The following NUP107 variants were observed in gnomAD, a reference collection of about 807,000 sequenced individuals.
NUP107 encodes nucleoporin 107.
In NUP107, 101 loss-of-function variants were observed where a neutral mutation model predicts 141.0. That is an observed-to-expected ratio of 0.72 (90% CI 0.61 to 0.84). The LOEUF (loss-of-function observed/expected upper bound fraction) is 0.84, where lower values mean the gene tolerates loss of function less well. Among genes scored for constraint, NUP107 ranks in the 40% least tolerant of loss-of-function variants. The pLI is 0.00. For missense variants in NUP107, 941 were observed against 1,102.7 expected (o/e 0.85, Z 2.08); for synonymous variants, 319 against 363.9 (o/e 0.88, Z 1.41).
Position 68,689,603 on chromosome 12 carries a change from C to A in NUP107, c.171C>A (p.Ser57Arg). 6.2e-7 allele frequency: 1 copy of A among 1,609,746 alleles called. No homozygotes were observed. The highest frequency in any genetic ancestry group is 1.1e-5 in the South Asian group (1 of 90,012). ...ACCAGGTTATCCCTCGAACTCCTAG[C>A]TCATTTCGACAGCCTTGTAAGATTT... ...PRNQVIPRTP[S>R]SFRQPFTPTS... Residue 57 changes from serine (S) to arginine (R), a missense_variant, in exon 3 of 28, where the codon AGC (serine) becomes AGA (arginine). Coordinates refer to ENST00000229179, the MANE Select transcript of NUP107 (RefSeq NM_020401.4).
intron 7 of NUP107, among the ~76,000 whole-genome samples, chr12:68,702,285 G>T (rs1303013202): frequency 1.3e-5 from 2 of 151,430 alleles, no homozygotes; most frequent in Non-Finnish European, 2.9e-5. Flanking sequence ...CACCGTACCT[G>T]GCCTAATTTT....
chr12:68,694,025 A>G (rs1455275503), intron 5 of NUP107, among the ~76,000 whole-genome samples: 1 of 152,222 alleles, frequency 6.6e-6, no homozygotes, highest in African/African-American at 2.4e-5. Flanking sequence ...AGAAAAGGAA[A>G]CTACTGCTCA....
Position 68,744,741 on chromosome 12 carries a change from ACAGTT to A in NUP107, c.*2285_*2289del, listed in dbSNP as rs1878455826. On this transcript the variant is annotated 3_prime_UTR_variant, in exon 28 of 28. Transcript: ENST00000229179. ...TGTGTGTGTTGCTGCTTATTTAAAT[ACAGTT>A]CAGTTGGAGCCCCAAGAGTGCCAAT... The A allele has an allele frequency of 6.6e-6, 1 of 152,202 alleles. No homozygotes were observed. The highest frequency in any genetic ancestry group is 1.5e-5 in the Non-Finnish European group (1 of 68,048). The allele number at this position is 152,202 out of a possible 1,614,324, so 9.4% of individuals were successfully genotyped here. A position where few individuals can be genotyped will look rare whatever the true frequency, so the allele number is the denominator to read the frequency against.
At chr12:68,717,583 T>C (rs1408276653) in intron 12 of NUP107, among the ~76,000 whole-genome samples, 3 of 152,144 alleles carry the variant, frequency 2.0e-5, no homozygotes, top group Non-Finnish European at 4.4e-5. Context: ...ATTAACAGTA[T>C]TGGGAAACCA....
intron 8 of NUP107, chr12:68,705,531 T>G: frequency 3.5e-6 from 1 of 283,868 alleles, no homozygotes; most frequent in East Asian, 8.2e-5. Context: ...AAAGTATTCT[T>G]TAAAAAAAAA....
chr12:68,715,689 T>A lies in NUP107; in HGVS notation c.1032T>A (p.Val344=). 4 of 1,613,308 alleles carry A rather than the reference T, an allele frequency of 2.5e-6. No individual in the cohort carries two copies. Among genetic ancestry groups the A allele is most frequent in the Non-Finnish European group, 3.4e-6 (4 of 1,179,350 alleles). Residue 344 remains valine, a synonymous_variant, in exon 12 of 28, where the codon GTT becomes GTA. Transcript: ENST00000229179. The part of the protein sequence containing the change: ...PLDDLDREDE[V]RLLKYLFTLI... ...ATGATCTGGATAGAGAAGATGAAGT[T>A]AGATTACTCAAATATCTCTTTACTC...
intron 22 of NUP107, 114 bp downstream of exon 22, chr12:68,731,833 A>G: frequency 1.6e-6 from 1 of 610,430 alleles, no homozygotes; most frequent in Non-Finnish European, 2.8e-6. Context: ...CTTTTTTAAG[A>G]ATGTGTCTTT....
chr12:68,715,711 A>T lies in NUP107; in HGVS notation c.1054A>T (p.Thr352Ser). 1 of 1,610,556 alleles carries T rather than the reference A, an allele frequency of 6.2e-7. No individual in the cohort carries two copies. Among genetic ancestry groups the T allele is most frequent in the Non-Finnish European group, 8.5e-7 (1 of 1,177,012 alleles). ...DEVRLLKYLF[T>S]LIRAGMTEEA... is the part of the protein sequence containing the mutation. ...AGTTAGATTACTCAAATATCTCTTT[A>T]CTCTAATCCGTGCTGGAATGACAGA... The change falls in exon 12 of 28, where the codon ACT (threonine) becomes TCT (serine). Residue 352 changes from threonine to serine, a missense_variant. Thr to Ser is a moderately conservative substitution (Grantham distance 58). Transcript: ENST00000229179.
At chr12:68,693,023 T>C (rs1217405293) in intron 5 of NUP107, among the ~76,000 whole-genome samples, 1 of 151,994 alleles carries the variant, frequency 6.6e-6, no homozygotes, top group African/African-American at 2.4e-5. Flanking sequence ...GTGCTGGGAT[T>C]ACAGGTGTGA....
chr12:68,721,050 A>G (rs975369318), intron 14 of NUP107, 68 bp from the exon 15 acceptor site: 6 of 1,071,270 alleles, frequency 5.6e-6, no homozygotes, highest in Non-Finnish European at 8.6e-6. Flanking sequence ...AAGACTCCAC[A>G]TTATGAGGAA....
intron 5 of NUP107, 125 bp from the exon 6 acceptor site, chr12:68,696,694 C>G: frequency 6.9e-6 from 4 of 581,104 alleles, no homozygotes; most frequent in Non-Finnish European, 1.2e-5. Flanking sequence ...CCCTGGACAA[C>G]AAGAGTGAAA....
chr12:68,696,862 G>T lies in NUP107; in HGVS notation c.492G>T (p.Lys164Asn), dbSNP rs1365282114. 1.2e-6 allele frequency: 2 copies of T among 1,607,792 alleles called. No individual in the cohort carries two copies. Among genetic ancestry groups the T allele is most frequent in the African/African-American group, 2.7e-5 (2 of 74,294 alleles). ...CTGATTTCCTGCAGTCTTTTCTGAA[G>T]CACTCTTCGAGTACAGTTTTTGATC... ...MFSDFLQSFL[K>N]HSSSTVFDLV... The change falls in exon 6 of 28, where the codon AAG (lysine) becomes AAT (asparagine). Residue 164 changes from lysine to asparagine, a missense_variant. Transcript: ENST00000229179.
intron 15 of NUP107, 51 bp from the exon 16 acceptor site, chr12:68,721,790 T>C (rs773728767): frequency 1.3e-6 from 2 of 1,565,006 alleles, no homozygotes; most frequent in East Asian, 4.5e-5. Flanking sequence ...GCTTTTCCTT[T>C]CTTTTCTGTT....
At chr12:68,695,384 T>G (rs1482317318) in intron 5 of NUP107, among the ~76,000 whole-genome samples, 1 of 152,200 alleles carries the variant, frequency 6.6e-6, no homozygotes, top group East Asian at 1.9e-4. Flanking sequence ...TGTTGATAGA[T>G]GAATGGGGGA....
chr12:68,730,009 TAG>T (rs965856037), intron 20 of NUP107, among the ~76,000 whole-genome samples: 6 of 151,710 alleles, frequency 4.0e-5, no homozygotes, highest in African/African-American at 1.5e-4. Context: ...TCACTCAGGC[TAG>T]AGTTCACTGG....
intron 8 of NUP107, chr12:68,705,558 ACC>A: frequency 1.7e-5 from 4 of 240,788 alleles, no homozygotes; most frequent in Non-Finnish European, 3.3e-5. Context: ...AAAAAGAATC[ACC>A]AAGAAGCAGC....
In NUP107 at chr12:68,731,221, G is replaced by T; in HGVS notation, c.1846G>T (p.Glu616Ter). Residue 616 changes from glutamate (E) to a stop codon, truncating the protein, a stop_gained, in exon 21 of 28, where the codon GAA (glutamate) becomes TAA (stop). Transcript: ENST00000229179. LOFTEE classifies it high-confidence loss of function. ...ALFLESVTEF[E>*]QRHHCLELAK... ...ATTTTTGGAAAGTGTTACAGAATTT[G>T]AACAGCGCCACCATTGCCTGGAGTT... is the stretch of plus-strand genomic sequence containing the variant. 1 of 1,611,982 alleles carries T rather than the reference G, an allele frequency of 6.2e-7. No individual in the cohort carries two copies. Among genetic ancestry groups the T allele is most frequent in the South Asian group, 1.1e-5 (1 of 90,634 alleles).
At chr12:68,697,109 G>C (rs2136003549) in intron 6 of NUP107, among the ~76,000 whole-genome samples, 187 bp downstream of exon 6, 1 of 152,198 alleles carries the variant, frequency 6.6e-6, no homozygotes, top group South Asian at 2.1e-4. Context: ...TTCTTTGGGA[G>C]AAAAAAGGAT....
At position 68,720,410 on chromosome 12, in the gene NUP107, A is replaced by C. The variant is rs143015243; in HGVS notation, c.1252-708A>C. Among the ~76,000 whole-genome samples the C allele has an allele frequency of 2.9e-3, 437 of 152,328 alleles. 4 individuals carry two copies. Among genetic ancestry groups the C allele is most frequent in the African/African-American group, 9.8e-3 (406 of 41,582 alleles). On this transcript the variant is annotated intron_variant, in intron 14 of 27. Coordinates refer to ENST00000229179, the MANE Select transcript of NUP107 (RefSeq NM_020401.4). The stretch of plus-strand genomic sequence containing the variant: ...TAAGAAGATCAGCATGGCAGTAGAA[A>C]AAATATACTTAAAATTAGATGGATA...
Sources: allele counts gnomAD v4.1 joint callset (sites outside exome capture counted in the v4.1 genomes callset), GRCh38; gene constraint gnomAD v4.1.1; transcripts MANE v1.5; gene names NCBI Gene and HGNC (gene_info 2026-07-23, HGNC 2026-07-21).